Variants in DPP10 observed in about 807,000 individuals in gnomAD.
DPP10 encodes dipeptidyl peptidase like 10, also known as inactive dipeptidyl peptidase 10.
In DPP10, 33 loss-of-function variants were observed where a neutral mutation model predicts 120.9. The observed-to-expected ratio is 0.27, with a 90% CI of 0.21 to 0.37. The LOEUF is 0.37. Ranked by LOEUF, DPP10 falls within the 10% of genes least tolerant of loss-of-function variation. DPP10 has a pLI of 1.00. For missense variants in DPP10, 816 were observed against 942.8 expected, an observed-to-expected ratio of 0.87 and a Z score of 1.76; for synonymous variants, 337 against 326.1, an observed-to-expected ratio of 1.03 and a Z score of -0.36.
At chr2:114,450,760 G>A (rs547066297) in intron 1 of DPP10, among the ~76,000 whole-genome samples, 23 of 151,748 alleles carry the variant, frequency 1.5e-4, no homozygotes, top group African/African-American at 2.7e-4. Context: ...CATTATGAGC[G>A]TTTTTCTACA....
chr2:115,123,773 A>T (rs1472719765), intron 1 of DPP10, among the ~76,000 whole-genome samples: 2 of 152,066 alleles, frequency 1.3e-5, no homozygotes, highest in Non-Finnish European at 2.9e-5. Flanking sequence ...TGTCTCCCTA[A>T]CTATCTACTC....
chr2:114,765,376 G>T (rs1388437087), intron 1 of DPP10, among the ~76,000 whole-genome samples: 1 of 152,058 alleles, frequency 6.6e-6, no homozygotes, highest in Non-Finnish European at 1.5e-5. Context: ...TCCCAAAGAG[G>T]TTATGAATTG....
At chr2:114,491,659 A>T (rs537549009) in intron 1 of DPP10, among the ~76,000 whole-genome samples, 1 of 152,326 alleles carries the variant, frequency 6.6e-6, no homozygotes, top group African/African-American at 2.4e-5. Context: ...CCTTAGGAAA[A>T]GTTTTACCTA....
chr2:115,384,111 T>C (rs866063831), intron 3 of DPP10, among the ~76,000 whole-genome samples: 3 of 152,198 alleles, frequency 2.0e-5, no homozygotes, highest in Non-Finnish European at 2.9e-5. Context: ...ACCTCAGATA[T>C]AAAATCTTTC....
At chr2:115,232,545 T>C (rs975717049) in intron 1 of DPP10, among the ~76,000 whole-genome samples, 13 of 152,218 alleles carry the variant, frequency 8.5e-5, no homozygotes, top group Admixed American at 2.0e-4. Flanking sequence ...TGATTTCCCT[T>C]GCTGTGTGCT....
chr2:115,251,288 T>C (rs1406390288), intron 1 of DPP10, among the ~76,000 whole-genome samples: 2 of 152,202 alleles, frequency 1.3e-5, no homozygotes, highest in Non-Finnish European at 2.9e-5. Context: ...TAATGATGGC[T>C]TTAAAGCATA....
chr2:114,780,313 G>T (rs1361791252), intron 1 of DPP10, among the ~76,000 whole-genome samples: 1 of 152,062 alleles, frequency 6.6e-6, no homozygotes, highest in Non-Finnish European at 1.5e-5. Context: ...GAGAAAACAA[G>T]TGACAAATTA....
intron 5 of DPP10, among the ~76,000 whole-genome samples, chr2:115,620,519 A>G (rs2084866906): frequency 1.3e-5 from 2 of 152,208 alleles, no homozygotes; most frequent in Admixed American, 1.3e-4. Context: ...TCAATGGAAA[A>G]TTTGTCATAT....
intron 17 of DPP10, among the ~76,000 whole-genome samples, chr2:115,784,861 A>G (rs565461534): frequency 6.6e-6 from 1 of 152,172 alleles, no homozygotes; most frequent in Admixed American, 6.5e-5. Context: ...TCATTTTTTC[A>G]TTTTTGTAGT....
chr2:114,829,922 C>G (rs532613686), intron 1 of DPP10, among the ~76,000 whole-genome samples: 2 of 152,078 alleles, frequency 1.3e-5, no homozygotes, highest in South Asian at 2.1e-4. Flanking sequence ...CACGTCCATG[C>G]GATCAAGTTG....
rs910529714 is a variant in DPP10, at chr2:115,197,559, TG to T, written c.61-111678del. Among the ~76,000 whole-genome samples the T allele has an allele frequency of 2.2e-4, 33 of 152,340 alleles. 1 individual carries two copies. The highest frequency in any genetic ancestry group is 7.5e-4 in the African/African-American group (31 of 41,584). ...CCAGCCATTTTTAGTCACTGTAATTTGGCTCCAAATTCAAGTTTTAGGGTAA... is the reference window on the plus strand; with the variant it reads ...CCAGCCATTTTTAGTCACTGTAATTTGCTCCAAATTCAAGTTTTAGGGTAA... On this transcript the variant is annotated intron_variant, in intron 1 of 25. Transcript: ENST00000410059.
chr2:115,009,668 C>G (rs191616967), intron 1 of DPP10, among the ~76,000 whole-genome samples: 2 of 151,902 alleles, frequency 1.3e-5, no homozygotes, highest in Admixed American at 1.3e-4. Context: ...GGAGAAATAC[C>G]TAATGTAGAT....
At chr2:114,980,492 G>A (rs1347771116) in intron 1 of DPP10, among the ~76,000 whole-genome samples, 1 of 151,834 alleles carries the variant, frequency 6.6e-6, no homozygotes, top group East Asian at 1.9e-4. Context: ...TTTCTCTACT[G>A]AGTTACAAAG....
chr2:114,514,633 CACT>C (rs1244865192), intron 1 of DPP10, among the ~76,000 whole-genome samples: 3 of 152,224 alleles, frequency 2.0e-5, no homozygotes, highest in African/African-American at 7.2e-5. Flanking sequence ...ACTTTGCCAC[CACT>C]GAGAACTTGG....
intron 1 of DPP10, among the ~76,000 whole-genome samples, chr2:114,528,413 G>C (rs2104713076): frequency 6.6e-6 from 1 of 152,186 alleles, no homozygotes; most frequent in South Asian, 2.1e-4. Flanking sequence ...GGGTCTAGCT[G>C]CTCCACCCAT....
chr2:115,693,359 C>A (rs1052074983), intron 7 of DPP10, among the ~76,000 whole-genome samples: 1 of 152,112 alleles, frequency 6.6e-6, no homozygotes, highest in Non-Finnish European at 1.5e-5. Context: ...TCTCATCCTT[C>A]CTGTTTCACT....
intron 1 of DPP10, among the ~76,000 whole-genome samples, chr2:114,764,015 A>T (rs777224259): frequency 5.3e-5 from 8 of 152,136 alleles, no homozygotes; most frequent in Non-Finnish European, 1.0e-4. Flanking sequence ...TAAATTTGGG[A>T]CACTGAAAAG....
intron 1 of DPP10, among the ~76,000 whole-genome samples, chr2:115,266,570 T>G (rs1293273999): frequency 6.6e-6 from 1 of 152,182 alleles, no homozygotes; most frequent in African/African-American, 2.4e-5. Context: ...GCCTTAGAAT[T>G]TTTCATGTTT....
chr2:115,082,838 G>T (rs1436020737), intron 1 of DPP10, among the ~76,000 whole-genome samples: 1 of 152,194 alleles, frequency 6.6e-6, no homozygotes, highest in Admixed American at 6.5e-5. Context: ...CTAGGAATTC[G>T]TGAGCTAAAT....
Sources: gnomAD v4.1 joint callset for allele counts (sites outside exome capture counted in the v4.1 genomes callset) on GRCh38, gnomAD v4.1.1 for gene constraint, MANE v1.5 for transcripts, NCBI Gene and HGNC (gene_info 2026-07-23, HGNC 2026-07-21) for gene names.